The following ARHGEF10 variants were observed in gnomAD, a reference collection of about 807,000 sequenced individuals.
The protein encoded by ARHGEF10 is Rho guanine nucleotide exchange factor 10.
A neutral mutation model predicts 147.4 loss-of-function variants in ARHGEF10; 140 were observed. The observed-to-expected ratio is 0.95, with a 90% CI of 0.83 to 1.09. The LOEUF (loss-of-function observed/expected upper bound fraction) is 1.09. Ranked by LOEUF, ARHGEF10 falls within the 50% of genes least tolerant of loss-of-function variation. The pLI, the probability that ARHGEF10 is intolerant of heterozygous loss-of-function variation, is 0.00. For synonymous variants in ARHGEF10, 902 were observed against 695.8 expected (o/e 1.30, Z -4.67); for missense variants, 2,222 against 1,752.7 (o/e 1.27, Z -4.78).
Position 1,954,965 on chromosome 8 carries a change from A to G in ARHGEF10, c.3521-1784A>G, listed in dbSNP as rs979224153. 2.3e-3 allele frequency among the ~76,000 whole-genome samples: 291 copies of G among 128,400 alleles called. 3 individuals are homozygous for G. Among genetic ancestry groups the G allele is most frequent in the African/African-American group, 7.3e-3 (259 of 35,452 alleles). 84.2% of individuals were successfully genotyped at this position (128,400 alleles called of 152,430 possible). A position where few individuals can be genotyped will look rare whatever the true frequency, so the allele number is the denominator to read the frequency against. On this transcript the variant is annotated intron_variant, in intron 28 of 28. Coordinates refer to ENST00000349830, the MANE Select transcript of ARHGEF10 (RefSeq NM_014629.4). ...TGGATGGATAGCCAGGTGCTCCCTGAAAGGAGGTGCACTCTCACTGTTCCT... is the reference window on the plus strand; with the variant it reads ...TGGATGGATAGCCAGGTGCTCCCTGGAAGGAGGTGCACTCTCACTGTTCCT...
At chr8:1,827,420 T>C (rs1174892346) in intron 1 of ARHGEF10, among the ~76,000 whole-genome samples, 3 of 152,214 alleles carry the variant, frequency 2.0e-5, no homozygotes, top group Non-Finnish European at 2.9e-5. Context: ...GCAATTCTCC[T>C]GCCTCTGCCT....
chr8:1,882,740 A>T lies in ARHGEF10; in HGVS notation c.1066A>T (p.Ile356Phe). Reference sequence around the variant, plus strand: ...CTCCTTCATCAGGACCAAGTCTCTCATCGCACAGGGTCCGTGCCTGCAGGT... The same window carrying T: ...CTCCTTCATCAGGACCAAGTCTCTCTTCGCACAGGGTCCGTGCCTGCAGGT... ...GRSFIRTKSL[I>F]AQDHRSSLEE... The change falls in exon 10 of 29, where the codon ATC becomes TTC. Residue 356 changes from isoleucine to phenylalanine, a missense_variant. Transcript: ENST00000349830. 1 of 1,487,716 alleles carries T rather than the reference A, an allele frequency of 6.7e-7. No homozygotes were observed. The highest frequency in any genetic ancestry group is 1.2e-5 in the South Asian group (1 of 83,260). The allele number at this position is 1,487,716 out of a possible 1,614,324, so 92.2% of individuals were successfully genotyped here.
intron 26 of ARHGEF10, among the ~76,000 whole-genome samples, chr8:1,941,096 A>T (rs1360616511): frequency 2.0e-5 from 3 of 152,238 alleles, no homozygotes. Context: ...TTTTATTCAC[A>T]GTAGTACCGG....
intron 15 of ARHGEF10, among the ~76,000 whole-genome samples, chr8:1,900,241 C>T (rs1004492554): frequency 7.9e-5 from 12 of 152,162 alleles, no homozygotes; most frequent in South Asian, 6.2e-4. Flanking sequence ...AAGGGGTGGG[C>T]GGGCTGCTGG....
At chr8:1,878,282 C>T (rs551280462) in intron 8 of ARHGEF10, among the ~76,000 whole-genome samples, 11 of 152,182 alleles carry the variant, frequency 7.2e-5, no homozygotes, top group African/African-American at 2.7e-4. Flanking sequence ...CTCCACTTCC[C>T]AGATTCAAGT....
chr8:1,913,704 G>T (rs1230818742), intron 18 of ARHGEF10, among the ~76,000 whole-genome samples: 1 of 152,186 alleles, frequency 6.6e-6, no homozygotes, highest in Admixed American at 6.5e-5. Flanking sequence ...TCAGAACTTT[G>T]CAGCAAGAGG....
intron 2 of ARHGEF10, among the ~76,000 whole-genome samples, chr8:1,850,025 CAT>C: frequency 2.5e-5 from 2 of 79,954 alleles, no homozygotes; most frequent in African/African-American, 8.8e-5. Context: ...GGGCCGGCTG[CAT>C]GGACACAGAG....
chr8:1,842,006 T>C (rs1177647284), intron 1 of ARHGEF10, among the ~76,000 whole-genome samples: 3 of 73,414 alleles, frequency 4.1e-5, no homozygotes, highest in Non-Finnish European at 8.4e-5. Flanking sequence ...CGGCGGGAAC[T>C]GGGGCCGCGG....
intron 25 of ARHGEF10, among the ~76,000 whole-genome samples, chr8:1,930,995 A>T (rs1813097556): frequency 6.6e-6 from 1 of 151,952 alleles, no homozygotes; most frequent in East Asian, 1.9e-4. Flanking sequence ...CCCCCTCTTC[A>T]CTTGGCCTCA....
chr8:1,866,694 C>A, intron 6 of ARHGEF10, 92 bp downstream of exon 6: 1 of 1,170,030 alleles, frequency 8.5e-7, no homozygotes, highest in Non-Finnish European at 1.3e-6. Flanking sequence ...CAGGTCCCAT[C>A]AGATCTAAAA....
intron 17 of ARHGEF10, among the ~76,000 whole-genome samples, chr8:1,908,248 T>TTTTTTTTTTTA (rs1811062166): frequency 2.3e-5 from 3 of 129,630 alleles, no homozygotes; most frequent in South Asian, 2.5e-4. Flanking sequence ...TTTTTTTTTT[T>TTTTTTTTTTTA]GAGAAAGAGT....
Position 1,843,362 on chromosome 8 carries a change from C to T in ARHGEF10, c.-38C>T, listed in dbSNP as rs1029983792. On this transcript the variant is annotated 5_prime_UTR_variant, in exon 2 of 29. Transcript: ENST00000349830. Reference sequence around the variant, plus strand: ...TCTCTCCTTCTTGCAGGAGCTCCTTCCCTTAACAGAGCTGAGAGAGGCATC... The same window carrying T: ...TCTCTCCTTCTTGCAGGAGCTCCTTTCCTTAACAGAGCTGAGAGAGGCATC... 5 of 1,612,260 alleles carry T rather than the reference C, an allele frequency of 3.1e-6. No homozygotes were observed. The highest frequency in any genetic ancestry group is 2.7e-5 in the African/African-American group (2 of 74,934).
intron 22 of ARHGEF10, 93 bp from the exon 23 acceptor site, chr8:1,926,284 A>G: frequency 9.8e-7 from 1 of 1,016,910 alleles, no homozygotes. Flanking sequence ...GTGTTTATAC[A>G]TTGGAAGTAA....
chr8:1,880,865 G>C (rs1474579177), intron 9 of ARHGEF10, among the ~76,000 whole-genome samples: 2 of 152,178 alleles, frequency 1.3e-5, no homozygotes, highest in African/African-American at 4.8e-5. Context: ...ACAGCTTCTG[G>C]AGCAGCCGGC....
At position 1,903,493 on chromosome 8, in the gene ARHGEF10, T is replaced by C. The variant is rs202035875; in HGVS notation, c.1821+42T>C. On this transcript the variant is annotated intron_variant, in intron 16 of 28. Transcript: ENST00000349830. ...TTCAACTCTATTCCAAAATTATTTTTGCTTTGTGCTAATAAGCTGTCGTTG... is the reference window on the plus strand; with the variant it reads ...TTCAACTCTATTCCAAAATTATTTTCGCTTTGTGCTAATAAGCTGTCGTTG... 1,211 of 1,609,636 alleles carry C rather than the reference T, an allele frequency of 7.5e-4. 19 individuals are homozygous for C. The South Asian group carries it at 0.013, about 17-fold the overall frequency.
chr8:1,885,464 A>G, intron 10 of ARHGEF10, 137 bp from the exon 11 acceptor site: 1 of 657,094 alleles, frequency 1.5e-6, no homozygotes, highest in Non-Finnish European at 2.7e-6. Flanking sequence ...TCAACTTAAT[A>G]ATAGCTGGGT....
At chr8:1,833,678 C>T (rs1476516758) in intron 1 of ARHGEF10, among the ~76,000 whole-genome samples, 2 of 152,238 alleles carry the variant, frequency 1.3e-5, no homozygotes, top group Non-Finnish European at 1.5e-5. Context: ...AGTCCCCAGG[C>T]CGCTGCTGCC....
At chr8:1,892,568 C>T (rs1392353893) in intron 11 of ARHGEF10, among the ~76,000 whole-genome samples, 1 of 151,940 alleles carries the variant, frequency 6.6e-6, no homozygotes, top group East Asian at 1.9e-4. Context: ...GGTGGCAACG[C>T]AGTCCCTTCA....
rs757537181 is a variant in ARHGEF10, at chr8:1,894,594, G to T, written c.1440+22G>T. ...TTCGGTAATTAAGCTGGGACACCTG[G>T]ATGTCCATGGGGCTCTCCATGCACC... On this transcript the variant is annotated intron_variant, in intron 13 of 28. Coordinates refer to ENST00000349830, the MANE Select transcript of ARHGEF10 (RefSeq NM_014629.4). 11 of 1,612,930 alleles carry T rather than the reference G, an allele frequency of 6.8e-6. No individual in the cohort carries two copies. In the African/African-American group the frequency reaches 1.5e-4, roughly 22 times the overall value.
Sources: gnomAD v4.1 joint callset for allele counts (sites outside exome capture counted in the v4.1 genomes callset) on GRCh38, gnomAD v4.1.1 for gene constraint, MANE v1.5 for transcripts, NCBI Gene and HGNC (gene_info 2026-07-23, HGNC 2026-07-21) for gene names.